Variants in ANKRD28 observed in about 807,000 individuals in gnomAD.
ANKRD28 encodes the protein ankyrin repeat domain 28, also known as serine/threonine-protein phosphatase 6 regulatory ankyrin repeat subunit A.
ANKRD28 carries 44 observed loss-of-function variants against 126.5 expected under a neutral mutation model. The observed-to-expected ratio is 0.35, with a 90% confidence interval of 0.27 to 0.45. ANKRD28 has a LOEUF of 0.45. ANKRD28 is among the 20% of genes least tolerant of loss of function. ANKRD28 has a pLI of 1.00. For missense variants in ANKRD28, 1,110 were observed against 1,316.6 expected (o/e 0.84, Z 2.43); for synonymous variants, 442 against 468.5 (o/e 0.94, Z 0.73).
At chr3:15,858,099 C>T (rs1575837533) in intron 1 of ANKRD28, among the ~76,000 whole-genome samples, 1 of 152,200 alleles carries the variant, frequency 6.6e-6, no homozygotes, top group South Asian at 2.1e-4. Context: ...TATGTCTGTC[C>T]TATCCAATAC....
chr3:15,836,694 C>T (rs899648888), intron 1 of ANKRD28, among the ~76,000 whole-genome samples: 4 of 152,120 alleles, frequency 2.6e-5, no homozygotes, highest in African/African-American at 9.7e-5. Context: ...ACAAAACAGA[C>T]TTTAAGTCAA....
Position 15,859,376 on chromosome 3 carries a change from C to T in ANKRD28, c.27+1G>A. On this transcript the variant is annotated splice_donor_variant, in intron 1 of 27. Coordinates refer to the ANKRD28 transcript ENST00000399451. LOFTEE classifies it high-confidence loss of function. ...ATCCCGCCCTGCAGCCCCTCACCTA[C>T]CTGGTCACGGAGTTTGAGGAACGCC... 2 of 1,529,116 alleles carry T rather than the reference C, an allele frequency of 1.3e-6. No homozygotes were observed. Among genetic ancestry groups the T allele is most frequent in the Non-Finnish European group, 1.8e-6 (2 of 1,141,134 alleles). The allele number at this position is 1,529,116 out of a possible 1,614,324, so 94.7% of individuals were successfully genotyped here.
chr3:15,712,726 G>A (rs2072476136), intron 10 of ANKRD28, among the ~76,000 whole-genome samples: 1 of 152,138 alleles, frequency 6.6e-6, no homozygotes, highest in African/African-American at 2.4e-5. Context: ...TTGCAAATAA[G>A]GAGAATGAAT....
At chr3:15,811,249 G>A (rs766853215) in intron 1 of ANKRD28, among the ~76,000 whole-genome samples, 10 of 152,176 alleles carry the variant, frequency 6.6e-5, no homozygotes, top group Non-Finnish European at 1.2e-4. Flanking sequence ...TTATTTCCCT[G>A]AATTAAGATC....
At position 15,830,879 on chromosome 3, in the gene ANKRD28, T is replaced by C. The variant is rs1271363535; in HGVS notation, c.27+28498A>G. 3.3e-5 allele frequency among the ~76,000 whole-genome samples: 5 copies of C among 152,132 alleles called. No individual in the cohort carries two copies. The highest frequency in any genetic ancestry group is 1.2e-4 in the African/African-American group (5 of 41,408). On this transcript the variant is annotated intron_variant, in intron 1 of 27. Transcript: ENST00000399451. The surrounding 1 kb of genome is among the most constrained non-coding windows in gnomAD (Gnocchi z 4.5). ...TGGAGACTAACATCAGCCACAGGTG[T>C]GGTCAACCATACCTATGTGACTGAC...
chr3:15,686,798 T>A (rs2068176578), intron 18 of ANKRD28, among the ~76,000 whole-genome samples: 2 of 152,116 alleles, frequency 1.3e-5, no homozygotes, highest in Non-Finnish European at 2.9e-5. Context: ...AAGCCCCCAT[T>A]CCTTCCTGAT....
rs1482247962 is a variant in ANKRD28, at chr3:15,709,734, T to C, written c.1340A>G (p.Asn447Ser). 19 of 1,561,020 alleles carry C rather than the reference T, an allele frequency of 1.2e-5. No homozygotes were observed. The highest frequency in any genetic ancestry group is 1.6e-5 in the Non-Finnish European group (19 of 1,151,994). Residue 447 changes from asparagine (N) to serine (S), a missense_variant and splice_region_variant, in exon 13 of 28, where the codon AAT (asparagine) becomes AGT (serine). Transcript: ENST00000683139. ...TCLHAAAAGG[N>S]LECLNLLLNT... is the part of the protein sequence containing the mutation. Reference sequence around the variant, plus strand: ...CAGCAGAAGGTTTAGGCACTCCAAATTCCTATTGAGAGAAAATACAGTTAG... The same window carrying C: ...CAGCAGAAGGTTTAGGCACTCCAAACTCCTATTGAGAGAAAATACAGTTAG...
chr3:15,859,349 C>T (rs1212583907), intron 1 of ANKRD28: 4 of 1,523,774 alleles, frequency 2.6e-6, no homozygotes, highest in Non-Finnish European at 1.8e-6. Flanking sequence ...CCGGACGGCG[C>T]GATCCCGCCC....
intron 18 of ANKRD28, chr3:15,686,513 A>C (rs2068146463): frequency 3.5e-6 from 2 of 579,480 alleles, no homozygotes; most frequent in Non-Finnish European, 3.0e-6. Flanking sequence ...TCACAGTAAA[A>C]CATGACAGGC....
chr3:15,725,029 G>GT (rs2074051351), intron 6 of ANKRD28, among the ~76,000 whole-genome samples: 1 of 152,106 alleles, frequency 6.6e-6, no homozygotes, highest in Non-Finnish European at 1.5e-5. Context: ...TTTGGTAAGT[G>GT]TTGGCAGAGA....
intron 1 of ANKRD28, among the ~76,000 whole-genome samples, chr3:15,821,292 A>T (rs574859251): frequency 6.6e-6 from 1 of 152,362 alleles, no homozygotes; most frequent in Non-Finnish European, 1.5e-5. Flanking sequence ...TGGCAAAAAC[A>T]ACTTCAATAA....
intron 2 of ANKRD28, among the ~76,000 whole-genome samples, chr3:15,769,423 C>A (rs2058893454): frequency 6.6e-6 from 1 of 152,146 alleles, no homozygotes; most frequent in South Asian, 2.1e-4. Context: ...TCCCCTTAGA[C>A]ACAGTAATTC....
chr3:15,694,566 C>A (rs1409863730), intron 17 of ANKRD28, among the ~76,000 whole-genome samples, 173 bp downstream of exon 17: 10 of 150,298 alleles, frequency 6.7e-5, no homozygotes, highest in Non-Finnish European at 1.5e-4. Context: ...AAAACAAAAA[C>A]CCAGCACATT....
intron 1 of ANKRD28, 115 bp downstream of exon 1, chr3:15,796,290 G>A (rs541401817): frequency 1.9e-6 from 1 of 522,934 alleles, no homozygotes; most frequent in East Asian, 8.8e-5. Flanking sequence ...CACACGTATT[G>A]CTTTAATTTG....
chr3:15,835,016 C>T (rs956347572), intron 1 of ANKRD28, among the ~76,000 whole-genome samples: 130 of 152,190 alleles, frequency 8.5e-4, no homozygotes, highest in African/African-American at 2.8e-3. Context: ...TGTGTGTTGG[C>T]GCACACCTGT....
chr3:15,745,374 C>G lies in ANKRD28; in HGVS notation c.351+6376G>C, dbSNP rs529183039. ...TCTTAGATTTAAGTCTTTGATCCAC[C>G]TTGAGTTGATTTTTGTATAAGGTGA... On this transcript the variant is annotated intron_variant, in intron 4 of 27. Transcript: ENST00000683139. Among the ~76,000 whole-genome samples the G allele has an allele frequency of 2.6e-5, 4 of 152,218 alleles. No individual in the cohort carries two copies. In the East Asian group the frequency reaches 7.7e-4, roughly 29 times the overall value.
intron 1 of ANKRD28, among the ~76,000 whole-genome samples, chr3:15,836,155 G>T (rs2061322177): frequency 6.6e-6 from 1 of 151,800 alleles, no homozygotes; most frequent in Admixed American, 6.6e-5. Context: ...TAATATAAAA[G>T]ACTATAAATG....
At chr3:15,795,580 T>G (rs1234092248) in intron 1 of ANKRD28, among the ~76,000 whole-genome samples, 1 of 152,144 alleles carries the variant, frequency 6.6e-6, no homozygotes, top group Non-Finnish European at 1.5e-5. Flanking sequence ...GTAGAAGCCT[T>G]TTGTTTCTGT....
At chr3:15,746,523 G>A (rs2057486036) in intron 4 of ANKRD28, among the ~76,000 whole-genome samples, 1 of 152,054 alleles carries the variant, frequency 6.6e-6, no homozygotes. Flanking sequence ...ACTGACTTAG[G>A]TATGTTAATA....
Sources: allele counts gnomAD v4.1 joint callset (sites outside exome capture counted in the v4.1 genomes callset), GRCh38; gene constraint gnomAD v4.1.1; non-coding constraint Gnocchi (gnomAD v3.1); transcripts MANE v1.5; gene names NCBI Gene and HGNC (gene_info 2026-07-23, HGNC 2026-07-21).